The following LEKR1 variants were observed in gnomAD, a reference collection of about 807,000 sequenced individuals.
LEKR1 encodes protein LEKR1.
Under a neutral mutation model 72.4 loss-of-function variants are expected in LEKR1, and 59 were observed. That is an observed-to-expected ratio of 0.82 (90% CI 0.66 to 1.01). The LOEUF (loss-of-function observed/expected upper bound fraction) is 1.01, where lower values mean the gene tolerates loss of function less well. Ranked by LOEUF, LEKR1 falls within the 50% of genes least tolerant of loss-of-function variation. The pLI is 0.00. For synonymous variants in LEKR1, 257 were observed against 263.2 expected (o/e 0.98, Z 0.23); for missense variants, 728 against 759.2 (o/e 0.96, Z 0.48).
At chr3:156,956,864 AAGAC>A (rs2107980402) in intron 6 of LEKR1, among the ~76,000 whole-genome samples, 1 of 152,188 alleles carries the variant, frequency 6.6e-6, no homozygotes, top group Non-Finnish European at 1.5e-5. Context: ...AAATGGGTGA[AAGAC>A]AGAAACAAAC....
At chr3:157,039,367 C>T (rs1735191204) in intron 12 of LEKR1, among the ~76,000 whole-genome samples, 1 of 152,146 alleles carries the variant, frequency 6.6e-6, no homozygotes, top group African/African-American at 2.4e-5. Flanking sequence ...ACGCCTATAA[C>T]CCAGCATTTT....
intron 6 of LEKR1, among the ~76,000 whole-genome samples, chr3:156,957,495 CA>C (rs1727752899): frequency 6.6e-6 from 1 of 151,378 alleles, no homozygotes; most frequent in African/African-American, 2.4e-5. Flanking sequence ...TCACCCAACA[CA>C]TCTTTCAAGA....
At chr3:156,964,878 T>G (rs1340428713) in intron 6 of LEKR1, among the ~76,000 whole-genome samples, 1 of 152,228 alleles carries the variant, frequency 6.6e-6, no homozygotes, top group Admixed American at 6.5e-5. Context: ...TCTCTTTTAT[T>G]TATTAACTTA....
intron 7 of LEKR1, among the ~76,000 whole-genome samples, chr3:156,985,148 C>T (rs894199750): frequency 4.6e-5 from 7 of 152,098 alleles, no homozygotes; most frequent in African/African-American, 9.7e-5. Flanking sequence ...CTATTGTGTG[C>T]AGGCACTAGA....
chr3:156,875,864 G>A (rs1007299725), intron 3 of LEKR1, among the ~76,000 whole-genome samples: 7 of 151,756 alleles, frequency 4.6e-5, no homozygotes, highest in African/African-American at 1.5e-4. Context: ...GTAAGGTGGC[G>A]GGTGCCTGTA....
At chr3:157,025,326 A>G (rs549192411) in intron 11 of LEKR1, among the ~76,000 whole-genome samples, 1 of 152,314 alleles carries the variant, frequency 6.6e-6, no homozygotes, top group East Asian at 1.9e-4. Flanking sequence ...CATTCTCAAC[A>G]TTTCTGAATG....
chr3:157,037,890 G>A lies in LEKR1; in HGVS notation c.1669-7450G>A, dbSNP rs187121787. On this transcript the variant is annotated intron_variant, in intron 12 of 12. Transcript: ENST00000356539. ...AGGTAATAGAAAGACTCTGCAGCAA[G>A]GAACATACTGGGAACCTTAAAGAAG... is the stretch of plus-strand genomic sequence containing the variant. Among the ~76,000 whole-genome samples, 648 of 152,260 alleles carry A rather than the reference G, an allele frequency of 4.3e-3. 2 individuals are homozygous for A. Among genetic ancestry groups the A allele is most frequent in the African/African-American group, 0.015 (623 of 41,554 alleles).
rs1478189447 is a variant in LEKR1 at position 157,015,351 on chromosome 3, G to A, written c.1203+3845G>A. Reference sequence around the variant, plus strand: ...TGTGGGAAAATGACATAAAGCCAGCGACAGACAGAGCCAGAGAGAATATTG... The same window carrying A: ...TGTGGGAAAATGACATAAAGCCAGCAACAGACAGAGCCAGAGAGAATATTG... On this transcript the variant is annotated intron_variant, in intron 10 of 12. Transcript: ENST00000356539. 5.9e-5 allele frequency among the ~76,000 whole-genome samples: 9 copies of A among 152,134 alleles called. No homozygotes were observed. In the South Asian group the frequency reaches 8.3e-4, roughly 14 times the overall value.
chr3:156,875,006 A>G (rs889954165), intron 3 of LEKR1, among the ~76,000 whole-genome samples: 2 of 152,128 alleles, frequency 1.3e-5, no homozygotes, highest in African/African-American at 4.8e-5. Context: ...TGCATGCACA[A>G]ATGTCTTTTT....
At chr3:156,829,102 A>G (rs1221251597) in intron 1 of LEKR1, among the ~76,000 whole-genome samples, 184 bp from the exon 2 acceptor site, 10 of 152,220 alleles carry the variant, frequency 6.6e-5, no homozygotes, top group Admixed American at 4.6e-4. Context: ...CTCCTGTTCT[A>G]TTGGCCCAAT....
At chr3:156,972,896 G>T (rs1308628082) in intron 6 of LEKR1, among the ~76,000 whole-genome samples, 2 of 151,886 alleles carry the variant, frequency 1.3e-5, no homozygotes, top group African/African-American at 4.8e-5. Flanking sequence ...TGAGGCACTT[G>T]TTATTTATAT....
At chr3:157,016,555 T>C (rs773492011) in intron 10 of LEKR1, among the ~76,000 whole-genome samples, 3 of 151,898 alleles carry the variant, frequency 2.0e-5, no homozygotes, top group African/African-American at 4.8e-5. Flanking sequence ...GTATTACCAA[T>C]AGACCCACGC....
intron 2 of LEKR1, among the ~76,000 whole-genome samples, chr3:156,846,926 C>T (rs1281161312): frequency 6.6e-6 from 1 of 152,182 alleles, no homozygotes; most frequent in African/African-American, 2.4e-5. Flanking sequence ...AACCCTCCCA[C>T]CTCAGCCTCC....
intron 2 of LEKR1, among the ~76,000 whole-genome samples, chr3:156,840,349 A>T (rs897936993): frequency 6.6e-6 from 1 of 152,174 alleles, no homozygotes; most frequent in African/African-American, 2.4e-5. Flanking sequence ...TTTAGTTTTT[A>T]TGCTGTTCTC....
intron 12 of LEKR1, among the ~76,000 whole-genome samples, chr3:157,030,782 T>C (rs991833838): frequency 2.0e-5 from 3 of 152,158 alleles, no homozygotes; most frequent in Middle Eastern, 3.2e-3. Flanking sequence ...TAGGATGGGA[T>C]TGGCTTTCAG....
At chr3:156,873,532 G>A (rs1458417635) in intron 3 of LEKR1, among the ~76,000 whole-genome samples, 2 of 151,944 alleles carry the variant, frequency 1.3e-5, no homozygotes, top group East Asian at 3.9e-4. Flanking sequence ...GTGATATTCT[G>A]TAATAATCTT....
At chr3:156,838,444 G>A (rs1031785525) in intron 2 of LEKR1, among the ~76,000 whole-genome samples, 2 of 152,150 alleles carry the variant, frequency 1.3e-5, no homozygotes, top group African/African-American at 4.8e-5. Flanking sequence ...TCTAACTGGG[G>A]AGACATCTCC....
chr3:156,954,781 C>T (rs9856725), intron 6 of LEKR1, among the ~76,000 whole-genome samples: 77,076 of 151,788 alleles, frequency 0.51, 21,241 homozygotes, highest in East Asian at 0.73. Flanking sequence ...AACTTGAAGT[C>T]GGGTAGCATG....
chr3:157,029,939 AG>A (rs1252878989), intron 12 of LEKR1, among the ~76,000 whole-genome samples: 22 of 152,242 alleles, frequency 1.4e-4, no homozygotes, highest in African/African-American at 5.3e-4. Context: ...GGCCAAATTC[AG>A]TAAATGTATA....
Sources: gnomAD v4.1 joint callset for allele counts (sites outside exome capture counted in the v4.1 genomes callset) on GRCh38, gnomAD v4.1.1 for gene constraint, MANE v1.5 for transcripts, NCBI Gene and HGNC (gene_info 2026-07-23, HGNC 2026-07-21) for gene names.